ODAD2: variants seen among roughly 807,000 people sequenced by gnomAD.
ODAD2 encodes outer dynein arm-docking complex subunit 2.
In ODAD2, 89 loss-of-function variants were observed where a neutral mutation model predicts 106.8. That is an observed-to-expected ratio of 0.83 (90% CI 0.70 to 0.99). The LOEUF (loss-of-function observed/expected upper bound fraction) is 0.99, where lower values mean the gene tolerates loss of function less well. Among genes scored for constraint, ODAD2 ranks in the 50% least tolerant of loss-of-function variants. The pLI is 0.00. For synonymous variants in ODAD2, 404 were observed against 436.2 expected, an observed-to-expected ratio of 0.93 and a Z score of 0.92; for missense variants, 1,168 against 1,238.5, an observed-to-expected ratio of 0.94 and a Z score of 0.85.
chr10:27,893,198 G>GAAAAGTAAAAA (rs1842669957), intron 17 of ODAD2, among the ~76,000 whole-genome samples: 1 of 151,820 alleles, frequency 6.6e-6, no homozygotes, highest in Admixed American at 6.6e-5. Context: ...AAAAGTAAAA[G>GAAAAGTAAAAA]AAAAGAGAAA....
intron 19 of ODAD2, among the ~76,000 whole-genome samples, chr10:27,827,779 C>G: frequency 6.6e-6 from 1 of 152,100 alleles, no homozygotes; most frequent in East Asian, 1.9e-4. Flanking sequence ...CACTGATTCT[C>G]CAGCTCAAAA....
chr10:27,886,324 G>A (rs138537207), intron 17 of ODAD2, among the ~76,000 whole-genome samples: 60 of 151,256 alleles, frequency 4.0e-4, no homozygotes, highest in African/African-American at 1.4e-3. Flanking sequence ...CATATCAGTA[G>A]ATTTCTCCAG....
At chr10:27,968,331 CT>C (rs1467531481) in intron 9 of ODAD2, among the ~76,000 whole-genome samples, 1 of 137,244 alleles carries the variant, frequency 7.3e-6, no homozygotes, top group African/African-American at 2.7e-5. Context: ...AAAAAAATAA[CT>C]GAAAAAATCA....
chr10:27,960,523 T>A (rs1022706083), intron 10 of ODAD2, among the ~76,000 whole-genome samples: 24 of 151,908 alleles, frequency 1.6e-4, no homozygotes, highest in African/African-American at 5.6e-4. Context: ...ATTTTTTTTG[T>A]ATTTTTAGTA....
chr10:27,935,911 G>T (rs536827777), intron 15 of ODAD2, among the ~76,000 whole-genome samples: 2 of 151,342 alleles, frequency 1.3e-5, no homozygotes, highest in East Asian at 3.9e-4. Flanking sequence ...GCTACATAAA[G>T]GTAAATATTT....
chr10:27,830,641 T>C (rs2132989280), intron 19 of ODAD2, among the ~76,000 whole-genome samples: 1 of 152,300 alleles, frequency 6.6e-6, no homozygotes, highest in Admixed American at 6.5e-5. Context: ...CCTAAAATGA[T>C]ACATGAAGAG....
At chr10:27,872,015 G>T (rs977949368) in intron 17 of ODAD2, among the ~76,000 whole-genome samples, 1 of 152,048 alleles carries the variant, frequency 6.6e-6, no homozygotes, top group South Asian at 2.1e-4. Flanking sequence ...ATTTGTTTGT[G>T]TCCTCTTTTA....
At chr10:27,824,732 C>G (rs1207683727) in intron 19 of ODAD2, among the ~76,000 whole-genome samples, 3 of 152,126 alleles carry the variant, frequency 2.0e-5, no homozygotes, top group Admixed American at 6.5e-5. Flanking sequence ...GAATATAGTG[C>G]CTGCATTTAA....
At chr10:27,834,118 C>G (rs1837683717) in intron 19 of ODAD2, among the ~76,000 whole-genome samples, 1 of 152,202 alleles carries the variant, frequency 6.6e-6, no homozygotes, top group South Asian at 2.1e-4. Flanking sequence ...ACAAAAGTAG[C>G]AGATGATTGC....
chr10:27,975,233 G>C (rs1004974175), intron 7 of ODAD2, among the ~76,000 whole-genome samples: 1 of 152,046 alleles, frequency 6.6e-6, no homozygotes, highest in African/African-American at 2.4e-5. Context: ...AACATGACTA[G>C]ATTAAATTAA....
intron 8 of ODAD2, among the ~76,000 whole-genome samples, chr10:27,970,823 T>C (rs796736885): frequency 6.6e-6 from 1 of 151,740 alleles, no homozygotes; most frequent in South Asian, 2.1e-4. Flanking sequence ...AAATAAAAAG[T>C]TAGCCAGGCG....
Position 27,861,644 on chromosome 10 carries a change from C to T in ODAD2, c.2799+790G>A, listed in dbSNP as rs998762348. Among the ~76,000 whole-genome samples, 5 of 152,168 alleles carry T rather than the reference C, an allele frequency of 3.3e-5. No homozygotes were observed. In the East Asian group the frequency reaches 5.8e-4, roughly 18 times the overall value. On this transcript the variant is annotated intron_variant, in intron 18 of 19. Transcript: ENST00000305242. ...GAGGGAGAAGAGAGTGCAGCAAATC[C>T]GAAGACACATTTTGGGTCTTCCATT... is the stretch of plus-strand genomic sequence containing the variant.
At chr10:27,924,614 G>GAAAAAAAAAAAAAAAAAA (rs60226782) in intron 16 of ODAD2, among the ~76,000 whole-genome samples, 5 of 12,648 alleles carry the variant, frequency 4.0e-4, no homozygotes, top group African/African-American at 1.7e-3. Flanking sequence ...TGATTAGGAG[G>GAAAAAAAAAAAAAAAAAA]AAAAAAAAAA....
chr10:27,868,442 A>G (rs762786225), intron 17 of ODAD2, among the ~76,000 whole-genome samples: 11 of 152,244 alleles, frequency 7.2e-5, no homozygotes, highest in African/African-American at 1.4e-4. Context: ...ATGCCCATCA[A>G]TGATACACTG....
intron 17 of ODAD2, among the ~76,000 whole-genome samples, chr10:27,889,879 A>G (rs1564471108): frequency 6.6e-6 from 1 of 152,172 alleles, no homozygotes; most frequent in Non-Finnish European, 1.5e-5. Context: ...TTCACCAGCC[A>G]GACTACAGTC....
intron 9 of ODAD2, among the ~76,000 whole-genome samples, chr10:27,964,497 G>C (rs1401484314): frequency 6.6e-6 from 1 of 152,198 alleles, no homozygotes; most frequent in African/African-American, 2.4e-5. Flanking sequence ...CGTGCATGGA[G>C]GGCCTGCTGG....
intron 7 of ODAD2, among the ~76,000 whole-genome samples, chr10:27,979,333 A>T (rs1380490643): frequency 6.6e-6 from 1 of 151,956 alleles, no homozygotes; most frequent in African/African-American, 2.4e-5. Context: ...TAATTAGTCA[A>T]GAAAAAGAAA....
chr10:27,955,028 G>A (rs113391560), intron 10 of ODAD2, among the ~76,000 whole-genome samples: 1,683 of 152,110 alleles, frequency 0.011, 12 homozygotes, highest in South Asian at 0.023. Context: ...TGTCCTATTC[G>A]TTTGTCACTG....
intron 19 of ODAD2, among the ~76,000 whole-genome samples, chr10:27,856,558 G>A (rs546875232): frequency 3.3e-5 from 5 of 152,128 alleles, no homozygotes; most frequent in Non-Finnish European, 5.9e-5. Flanking sequence ...CTCATTAATG[G>A]CTTAATACCC....
Sources: allele counts gnomAD v4.1 joint callset (sites outside exome capture counted in the v4.1 genomes callset), GRCh38; gene constraint gnomAD v4.1.1; transcripts MANE v1.5; gene names NCBI Gene and HGNC (gene_info 2026-07-23, HGNC 2026-07-21).